The following GRB10 variants were observed in gnomAD, a reference collection of about 807,000 sequenced individuals.
GRB10 encodes the protein growth factor receptor bound protein 10, also known as growth factor receptor-bound protein 10.
Under a neutral mutation model 80.9 loss-of-function variants are expected in GRB10, and 20 were observed. The observed-to-expected ratio is 0.25, with a 90% CI of 0.17 to 0.36. GRB10 has a LOEUF of 0.36. GRB10 is among the 10% of genes least tolerant of loss of function. The pLI is 1.00. For missense variants in GRB10, 548 were observed against 747.7 expected (o/e 0.73, Z 3.12); for synonymous variants, 291 against 291.5 (o/e 1.00, Z 0.02).
chr7:50,754,876 A>G (rs1291400367), intron 3 of GRB10, among the ~76,000 whole-genome samples: 1 of 152,204 alleles, frequency 6.6e-6, no homozygotes, highest in African/African-American at 2.4e-5. Context: ...TCACTAAGTT[A>G]AAACCGGGTC....
At chr7:50,610,048 T>C (rs561977084) in intron 13 of GRB10, among the ~76,000 whole-genome samples, 1 of 152,334 alleles carries the variant, frequency 6.6e-6, no homozygotes, top group East Asian at 1.9e-4. Flanking sequence ...CTGTTTGTAG[T>C]AGATGGTAAA....
intron 4 of GRB10, chr7:50,727,177 C>A (rs2068788892): frequency 6.6e-6 from 1 of 152,194 alleles, no homozygotes; most frequent in Admixed American, 6.5e-5. Context: ...CCACTGCCAG[C>A]CTCTGAGTGG....
In GRB10 at chr7:50,650,861, C is replaced by G. The variant is rs2057923143; in HGVS notation, c.504+18861G>C. On this transcript the variant is annotated intron_variant, in intron 7 of 18. Coordinates refer to ENST00000401949, the MANE Select transcript of GRB10 (RefSeq NM_001350814.2). The stretch of plus-strand genomic sequence containing the variant: ...GAAAATCTCCTGGGAGAAAAAAAAT[C>G]AAGGGATAGAGAGAGGAGACTTACC... Among the ~76,000 whole-genome samples, 3 of 126,234 alleles carry G rather than the reference C, an allele frequency of 2.4e-5. No homozygotes were observed. The South Asian group carries it at 7.9e-4, about 33-fold the overall frequency. The allele number at this position is 126,234 out of a possible 152,430, so 82.8% of individuals were successfully genotyped here.
intron 12 of GRB10, among the ~76,000 whole-genome samples, chr7:50,613,042 T>C (rs1170393096): frequency 1.3e-5 from 2 of 152,206 alleles, no homozygotes; most frequent in Non-Finnish European, 2.9e-5. Flanking sequence ...GTGCCTACCA[T>C]GGACTGGCCC....
In GRB10 at chr7:50,595,447, T is replaced by C. The variant is rs757845480; in HGVS notation, c.1628A>G (p.Gln543Arg). ...LCHHQKIKNF[Q>R]ILPCEDDGQT... ...AACATCAATACTTACAGGTAAGATC[T>C]GGAAATTTTTAATTTTCTGGTGATG... The change falls in exon 18 of 19, where the codon CAG becomes CGG. Residue 543 changes from glutamine (Q) to arginine (R), a missense_variant. Physicochemically the swap from Gln to Arg is conservative, Grantham distance 43. Transcript: ENST00000401949. 1.9e-6 allele frequency: 3 copies of C among 1,565,830 alleles called. No homozygotes were observed. Among genetic ancestry groups the C allele is most frequent in the Non-Finnish European group, 2.6e-6 (3 of 1,136,116 alleles).
intron 13 of GRB10, among the ~76,000 whole-genome samples, chr7:50,608,958 C>A (rs1320849096): frequency 9.3e-6 from 1 of 108,090 alleles, no homozygotes; most frequent in African/African-American, 3.4e-5. Context: ...GGGTGAGACC[C>A]TGACTCAAAA....
intron 2 of GRB10, among the ~76,000 whole-genome samples, chr7:50,758,795 T>C (rs10268643): frequency 0.62 from 94,527 of 152,064 alleles, 32,133 homozygotes; most frequent in Middle Eastern, 0.87. Context: ...AATATGTAAA[T>C]AGAATGGAAT....
At chr7:50,784,255 C>T (rs1000937684), upstream of GRB10, among the ~76,000 whole-genome samples, 7 of 152,186 alleles carry the variant, frequency 4.6e-5, no homozygotes, top group Non-Finnish European at 7.3e-5. Context: ...CGGGGAGAAA[C>T]CAAAGTGTGG....
intron 3 of GRB10, among the ~76,000 whole-genome samples, chr7:50,745,871 C>T (rs758419273): frequency 6.6e-6 from 1 of 152,212 alleles, no homozygotes; most frequent in Non-Finnish European, 1.5e-5. Context: ...AGTAGTTAAT[C>T]ACACTTTCTA....
chr7:50,681,902 A>G (rs1306972637), intron 5 of GRB10, among the ~76,000 whole-genome samples: 2 of 152,206 alleles, frequency 1.3e-5, no homozygotes, highest in Non-Finnish European at 2.9e-5. Flanking sequence ...AGGGCTGCCA[A>G]CCTAATAGAA....
intron 3 of GRB10, among the ~76,000 whole-genome samples, chr7:50,749,348 C>T (rs546953067): frequency 2.0e-5 from 3 of 151,926 alleles, no homozygotes; most frequent in African/African-American, 4.8e-5. Context: ...AGGCTGATCT[C>T]GAACACCTGA....
intron 2 of GRB10, among the ~76,000 whole-genome samples, chr7:50,757,832 T>C (rs1423551468): frequency 6.6e-6 from 1 of 152,208 alleles, no homozygotes; most frequent in African/African-American, 2.4e-5. Context: ...AGCCTAATCT[T>C]TTCCCCAATT....
Position 50,613,277 on chromosome 7 carries a change from G to A in GRB10, c.1096-438C>T, listed in dbSNP as rs146852263. Among the ~76,000 whole-genome samples the A allele has an allele frequency of 3.9e-3, 591 of 152,236 alleles. 6 individuals carry two copies. Among genetic ancestry groups the A allele is most frequent in the African/African-American group, 0.013 (554 of 41,530 alleles). On this transcript the variant is annotated intron_variant, in intron 12 of 18. Coordinates refer to ENST00000401949, the MANE Select transcript of GRB10 (RefSeq NM_001350814.2). ...TGCCCCCAGGCCACTGAGAGGAGGG[G>A]CTGCTGCAGGGCTTAGCCAAGAGGG... is the stretch of plus-strand genomic sequence containing the variant.
At chr7:50,708,590 TTTTG>T (rs2065356643) in intron 4 of GRB10, among the ~76,000 whole-genome samples, 1 of 151,976 alleles carries the variant, frequency 6.6e-6, no homozygotes, top group East Asian at 1.9e-4. Flanking sequence ...CCAGGTTAGT[TTTTG>T]TTTGTCTGTG....
At chr7:50,618,288 T>G (rs2051015686) in intron 9 of GRB10, 149 bp from the exon 10 acceptor site, 1 of 694,780 alleles carries the variant, frequency 1.4e-6, no homozygotes, top group African/African-American at 1.8e-5. Context: ...TATTCTCCTA[T>G]CACACAGAAG....
At chr7:50,786,236 C>T (rs540470073), upstream of GRB10, among the ~76,000 whole-genome samples, 1 of 152,076 alleles carries the variant, frequency 6.6e-6, no homozygotes, top group Non-Finnish European at 1.5e-5. Context: ...ATAAAAAATA[C>T]AGAGAACCAA....
chr7:50,723,267 T>A (rs1049063703), intron 4 of GRB10, among the ~76,000 whole-genome samples: 1 of 152,158 alleles, frequency 6.6e-6, no homozygotes, highest in Non-Finnish European at 1.5e-5. Flanking sequence ...GGTCAGGTGT[T>A]TCCTTATTTA....
At chr7:50,754,386 T>C (rs2074701948) in intron 3 of GRB10, among the ~76,000 whole-genome samples, 1 of 152,062 alleles carries the variant, frequency 6.6e-6, no homozygotes, top group Non-Finnish European at 1.5e-5. Context: ...CAAAAGACAA[T>C]CCATCCCAAC....
intron 7 of GRB10, among the ~76,000 whole-genome samples, chr7:50,647,718 CTG>C (rs1459647310): frequency 6.6e-6 from 1 of 152,228 alleles, no homozygotes; most frequent in African/African-American, 2.4e-5. Context: ...GCGGCAGAAA[CTG>C]GGGACCAGCT....
Sources: allele counts gnomAD v4.1 joint callset (sites outside exome capture counted in the v4.1 genomes callset), GRCh38; gene constraint gnomAD v4.1.1; transcripts MANE v1.5; gene names NCBI Gene and HGNC (gene_info 2026-07-23, HGNC 2026-07-21).